Variants in SGCZ observed in about 807,000 individuals in gnomAD.
SGCZ encodes the protein sarcoglycan zeta.
A neutral mutation model predicts 41.3 loss-of-function variants in SGCZ; 40 were observed. The observed-to-expected ratio is 0.97, with a 90% CI of 0.75 to 1.26. The LOEUF (loss-of-function observed/expected upper bound fraction) is 1.26, where lower values mean the gene tolerates loss of function less well. Ranked by LOEUF, SGCZ falls within the 50% of genes most tolerant of loss-of-function variation. The probability of loss-of-function intolerance (pLI) is 0.00; values close to 1 mark genes in which losing one functional copy is unlikely to be tolerated. For synonymous variants in SGCZ, 206 were observed against 137.5 expected, an observed-to-expected ratio of 1.50 and a Z score of -3.49; for missense variants, 552 against 369.8, an observed-to-expected ratio of 1.49 and a Z score of -4.04.
chr8:14,415,136 C>A (rs1799460651), intron 2 of SGCZ, among the ~76,000 whole-genome samples: 1 of 151,670 alleles, frequency 6.6e-6, no homozygotes, highest in Non-Finnish European at 1.5e-5. Context: ...CAAAGAAATA[C>A]CCCTTGATTC....
At chr8:14,887,072 T>C (rs896360636) in intron 1 of SGCZ, among the ~76,000 whole-genome samples, 1 of 152,038 alleles carries the variant, frequency 6.6e-6, no homozygotes, top group Non-Finnish European at 1.5e-5. Context: ...GAGGAACAGG[T>C]TGAAGGAGGG....
intron 2 of SGCZ, among the ~76,000 whole-genome samples, chr8:14,497,591 T>TGAGA (rs749464553): frequency 6.6e-6 from 1 of 151,658 alleles, no homozygotes; most frequent in South Asian, 2.1e-4. Flanking sequence ...TGTGTGTGTG[T>TGAGA]GTGAGAGAGA....
At chr8:14,185,426 A>C (rs984204168) in intron 4 of SGCZ, among the ~76,000 whole-genome samples, 1 of 152,072 alleles carries the variant, frequency 6.6e-6, no homozygotes, top group Non-Finnish European at 1.5e-5. Context: ...AAATAAAATA[A>C]AAAAACAAAA....
intron 1 of SGCZ, among the ~76,000 whole-genome samples, chr8:14,792,475 C>G (rs1800988067): frequency 6.6e-6 from 1 of 152,146 alleles, no homozygotes; most frequent in South Asian, 2.1e-4. Context: ...CTATGCTAGT[C>G]AAGGGTCACA....
chr8:14,979,954 T>A (rs892294508), intron 1 of SGCZ, among the ~76,000 whole-genome samples: 1 of 152,242 alleles, frequency 6.6e-6, no homozygotes, highest in Admixed American at 6.5e-5. Context: ...TTGTACAACC[T>A]TGTTAAATTT....
chr8:14,356,302 C>A (rs1400470404), intron 2 of SGCZ, among the ~76,000 whole-genome samples: 1 of 152,156 alleles, frequency 6.6e-6, no homozygotes, highest in Non-Finnish European at 1.5e-5. Flanking sequence ...AAGTTAAGAG[C>A]CTCTGTGTAT....
chr8:14,424,528 G>GTA (rs1004139995), intron 2 of SGCZ, among the ~76,000 whole-genome samples: 1 of 152,076 alleles, frequency 6.6e-6, no homozygotes, highest in Non-Finnish European at 1.5e-5. Flanking sequence ...ATGTGTGTGT[G>GTA]TATATATCCC....
intron 2 of SGCZ, among the ~76,000 whole-genome samples, chr8:14,545,414 CTT>C (rs11286961): frequency 0.023 from 2,498 of 107,774 alleles, 61 homozygotes; most frequent in African/African-American, 0.066. Context: ...CAAATGCTTA[CTT>C]TTTTTTTTTT....
At chr8:14,191,330 T>G (rs1402569570) in intron 4 of SGCZ, among the ~76,000 whole-genome samples, 2 of 152,204 alleles carry the variant, frequency 1.3e-5, no homozygotes. Context: ...TGTTGAAAGT[T>G]TTTAGTTTGA....
intron 1 of SGCZ, among the ~76,000 whole-genome samples, chr8:15,217,186 G>A (rs1217899971): frequency 1.3e-5 from 2 of 152,084 alleles, no homozygotes; most frequent in Admixed American, 6.6e-5. Flanking sequence ...GGGAGGCCGA[G>A]GCGGGCGGAT....
chr8:14,396,491 G>A lies in SGCZ; in HGVS notation c.235-72287C>T, dbSNP rs145985780. On this transcript the variant is annotated intron_variant, in intron 2 of 7. Coordinates refer to ENST00000382080, the MANE Select transcript of SGCZ (RefSeq NM_139167.4). ...TGATGTTATTCAGCTCATTCCCTATGCCTCCTAATACTGTCACATTTATTC... is the reference window on the plus strand; with the variant it reads ...TGATGTTATTCAGCTCATTCCCTATACCTCCTAATACTGTCACATTTATTC... Among the ~76,000 whole-genome samples the A allele has an allele frequency of 4.2e-3, 639 of 152,030 alleles. 7 individuals are homozygous for A. The highest frequency in any genetic ancestry group is 0.014 in the African/African-American group (562 of 41,486).
At chr8:14,451,118 G>A (rs945994644) in intron 2 of SGCZ, among the ~76,000 whole-genome samples, 4 of 152,066 alleles carry the variant, frequency 2.6e-5, no homozygotes, top group African/African-American at 4.8e-5. Context: ...CACCTTACAC[G>A]TTAAAAGCAG....
intron 1 of SGCZ, among the ~76,000 whole-genome samples, chr8:14,622,379 G>A (rs1298093536): frequency 1.3e-5 from 2 of 152,098 alleles, no homozygotes; most frequent in African/African-American, 2.4e-5. Context: ...TCTTTTTCCT[G>A]TAATCTGGCC....
rs57431548 is a variant in SGCZ at position 14,539,139 on chromosome 8, G to C, written c.234+15593C>G. Among the ~76,000 whole-genome samples, 79 of 152,108 alleles carry C rather than the reference G, an allele frequency of 5.2e-4. No homozygotes were observed. In the East Asian group the frequency reaches 0.015, roughly 28 times the overall value. On this transcript the variant is annotated intron_variant, in intron 2 of 7. Coordinates refer to ENST00000382080, the MANE Select transcript of SGCZ (RefSeq NM_139167.4). ...AAGAAAGAAGACTGACTTCCCCAGA[G>C]GAAGATAGAATTCGGCCAGCAGATT... is the stretch of plus-strand genomic sequence containing the variant.
chr8:14,470,943 C>T (rs1225154520), intron 2 of SGCZ, among the ~76,000 whole-genome samples: 1 of 152,096 alleles, frequency 6.6e-6, no homozygotes, highest in African/African-American at 2.4e-5. Context: ...AGCTTGGCCC[C>T]AGGCACAATC....
intron 1 of SGCZ, among the ~76,000 whole-genome samples, chr8:15,043,149 T>C (rs986712059): frequency 4.6e-5 from 7 of 152,196 alleles, no homozygotes; most frequent in Non-Finnish European, 1.5e-5. Context: ...GGTATCTCTA[T>C]TAAGGAAGAC....
chr8:15,055,004 A>C (rs905604532), intron 1 of SGCZ, among the ~76,000 whole-genome samples: 1 of 151,520 alleles, frequency 6.6e-6, no homozygotes, highest in Non-Finnish European at 1.5e-5. Flanking sequence ...AATGGCTGCC[A>C]TCCCAGTTTG....
chr8:14,380,628 C>T (rs1434160389), intron 2 of SGCZ, among the ~76,000 whole-genome samples: 2 of 152,056 alleles, frequency 1.3e-5, no homozygotes, highest in Non-Finnish European at 2.9e-5. Context: ...CCAAGGCAGG[C>T]ACATCGTCAG....
chr8:15,194,721 G>T (rs535397624), intron 1 of SGCZ, among the ~76,000 whole-genome samples: 1 of 152,258 alleles, frequency 6.6e-6, no homozygotes, highest in Admixed American at 6.5e-5. Context: ...ATAAGCCAGG[G>T]AGCCAAGGCC....
Sources: allele counts gnomAD v4.1 joint callset (sites outside exome capture counted in the v4.1 genomes callset), GRCh38; gene constraint gnomAD v4.1.1; transcripts MANE v1.5; gene names NCBI Gene and HGNC (gene_info 2026-07-23, HGNC 2026-07-21).